The following NRXN3 variants were observed in gnomAD, a reference collection of about 807,000 sequenced individuals.
NRXN3 encodes the protein neurexin III.
A neutral mutation model predicts 137.6 loss-of-function variants in NRXN3; 32 were observed. That is an observed-to-expected ratio of 0.23 (90% CI 0.18 to 0.31). The LOEUF is 0.31. Among genes scored for constraint, NRXN3 ranks in the 10% least tolerant of loss-of-function variants. NRXN3 has a pLI of 1.00. For missense variants in NRXN3, 1,574 were observed against 2,062.5 expected, an observed-to-expected ratio of 0.76 and a Z score of 4.59; for synonymous variants, 798 against 784.5, an observed-to-expected ratio of 1.02 and a Z score of -0.29.
At chr14:79,009,639 G>A (rs1263885202) in intron 15 of NRXN3, among the ~76,000 whole-genome samples, 1 of 152,160 alleles carries the variant, frequency 6.6e-6, no homozygotes, top group Non-Finnish European at 1.5e-5. Context: ...AGTGAGAACT[G>A]TGGTAAAATT....
chr14:78,947,822 A>G (rs1181045318), intron 10 of NRXN3, among the ~76,000 whole-genome samples: 2 of 152,094 alleles, frequency 1.3e-5, no homozygotes, highest in Non-Finnish European at 2.9e-5. Flanking sequence ...GGTTAATGGG[A>G]AGTGATCTAT....
intron 15 of NRXN3, among the ~76,000 whole-genome samples, chr14:79,247,702 T>C (rs1293130897): frequency 6.6e-6 from 1 of 152,174 alleles, no homozygotes; most frequent in Non-Finnish European, 1.5e-5. Context: ...CTAGACTGTA[T>C]ACATACACAT....
intron 16 of NRXN3, among the ~76,000 whole-genome samples, chr14:79,605,150 G>A (rs1324158675): frequency 6.6e-6 from 1 of 152,132 alleles, no homozygotes; most frequent in Non-Finnish European, 1.5e-5. Flanking sequence ...TTTTTCTGAA[G>A]TGTCATTAAT....
At chr14:79,541,261 G>C (rs2097269517) in intron 16 of NRXN3, among the ~76,000 whole-genome samples, 1 of 152,056 alleles carries the variant, frequency 6.6e-6, no homozygotes, top group African/African-American at 2.4e-5. Flanking sequence ...AAATTAGCCG[G>C]GTGTGGTGGC....
At chr14:79,519,835 T>C (rs549561923) in intron 16 of NRXN3, among the ~76,000 whole-genome samples, 1 of 151,312 alleles carries the variant, frequency 6.6e-6, no homozygotes, top group East Asian at 1.9e-4. Flanking sequence ...ACATTTGTGA[T>C]TATCATGTGG....
intron 15 of NRXN3, among the ~76,000 whole-genome samples, chr14:79,330,095 G>A (rs1244628046): frequency 6.6e-6 from 1 of 152,052 alleles, no homozygotes; most frequent in African/African-American, 2.4e-5. Flanking sequence ...CTCCCAAAGT[G>A]CTGGGATTAC....
chr14:78,909,590 ACTT>A (rs377602729), intron 10 of NRXN3, among the ~76,000 whole-genome samples: 33 of 152,216 alleles, frequency 2.2e-4, no homozygotes, highest in African/African-American at 7.7e-4. Flanking sequence ...TCCTGATTTG[ACTT>A]CTTCTGACTT....
intron 4 of NRXN3, among the ~76,000 whole-genome samples, chr14:78,368,061 TA>T (rs998365924): frequency 1.3e-5 from 2 of 152,240 alleles, no homozygotes; most frequent in African/African-American, 4.8e-5. Context: ...TCAAAAATTT[TA>T]CTAATGCTTT....
At chr14:79,398,218 A>G (rs2095082257) in intron 15 of NRXN3, among the ~76,000 whole-genome samples, 1 of 152,162 alleles carries the variant, frequency 6.6e-6, no homozygotes, top group Non-Finnish European at 1.5e-5. Context: ...GCAGTGCCAT[A>G]TATGTGCCTT....
At chr14:79,821,417 C>T (rs1384410866) in intron 20 of NRXN3, among the ~76,000 whole-genome samples, 6 of 152,174 alleles carry the variant, frequency 3.9e-5, no homozygotes, top group Middle Eastern at 3.2e-3. Flanking sequence ...CTGAAGAGAA[C>T]ATGCCCTCAT....
At chr14:79,492,120 A>G (rs2096722998) in intron 16 of NRXN3, among the ~76,000 whole-genome samples, 1 of 152,186 alleles carries the variant, frequency 6.6e-6, no homozygotes, top group Non-Finnish European at 1.5e-5. Flanking sequence ...TGCTTGGCCA[A>G]CTCAGAATGA....
rs758185237 is a variant in NRXN3 at position 79,689,962 on chromosome 14, A to G, written c.3617-2211A>G. 8.5e-4 allele frequency among the ~76,000 whole-genome samples: 129 copies of G among 152,314 alleles called. 3 individuals are homozygous for G. Among genetic ancestry groups the G allele is most frequent in the Non-Finnish European group, 2.5e-4 (17 of 68,024 alleles). ...AAGAATATTTAGCTTTATACTTGCT[A>G]TCGACTACACCAATCTATTCCGTAG... On this transcript the variant is annotated intron_variant, in intron 17 of 20. Transcript: ENST00000335750.
intron 15 of NRXN3, among the ~76,000 whole-genome samples, chr14:79,029,846 G>GTTTA (rs749034252): frequency 9.9e-5 from 15 of 151,354 alleles, no homozygotes; most frequent in African/African-American, 3.4e-4. Context: ...TTGTTTGTTT[G>GTTTA]TTTATTTATT....
At chr14:78,397,059 AC>A (rs2091532593) in intron 4 of NRXN3, among the ~76,000 whole-genome samples, 1 of 152,202 alleles carries the variant, frequency 6.6e-6, no homozygotes, top group Non-Finnish European at 1.5e-5. Context: ...ATCTCCAAGT[AC>A]AGTTACGTTG....
Position 79,184,947 on chromosome 14 carries a change from T to A in NRXN3, c.3262+196806T>A, listed in dbSNP as rs10220528. Among the ~76,000 whole-genome samples, 1,482 of 152,292 alleles carry A rather than the reference T, an allele frequency of 9.7e-3. 22 individuals are homozygous for A. The highest frequency in any genetic ancestry group is 0.034 in the African/African-American group (1,398 of 41,560). ...AGGCTCTCAGGTTTTTTTGATATCA[T>A]GTGGCATTTGTGTCAAATTGAGTTG... is the stretch of plus-strand genomic sequence containing the variant. On this transcript the variant is annotated intron_variant, in intron 15 of 20. Transcript: ENST00000335750.
intron 1 of NRXN3, among the ~76,000 whole-genome samples, chr14:78,205,033 G>T (rs968266431): frequency 6.6e-6 from 1 of 152,164 alleles, no homozygotes; most frequent in Non-Finnish European, 1.5e-5. Flanking sequence ...GTTGATGGGG[G>T]CACAGGTAGT....
At chr14:78,738,905 G>A (rs545861307) in intron 8 of NRXN3, among the ~76,000 whole-genome samples, 3 of 152,260 alleles carry the variant, frequency 2.0e-5, no homozygotes, top group South Asian at 2.1e-4. Flanking sequence ...TGTGGTGCTC[G>A]TGTGGGCCCA....
chr14:78,567,615 C>T (rs1271350121), intron 4 of NRXN3, among the ~76,000 whole-genome samples: 1 of 152,124 alleles, frequency 6.6e-6, no homozygotes, highest in Non-Finnish European at 1.5e-5. Context: ...GTAAACAACG[C>T]CAGGCAGGAA....
intron 16 of NRXN3, among the ~76,000 whole-genome samples, chr14:79,534,996 TAAAG>T (rs1288917030): frequency 6.6e-6 from 1 of 152,194 alleles, no homozygotes; most frequent in African/African-American, 2.4e-5. Flanking sequence ...ACCTTACATT[TAAAG>T]AAAGAATGTA....
Sources: allele counts gnomAD v4.1 joint callset (sites outside exome capture counted in the v4.1 genomes callset), GRCh38; gene constraint gnomAD v4.1.1; transcripts MANE v1.5; gene names NCBI Gene and HGNC (gene_info 2026-07-23, HGNC 2026-07-21).